Variants in ABCD3 observed in about 807,000 individuals in gnomAD.
ABCD3 encodes the protein ATP-binding cassette sub-family D member 3.
ABCD3 carries 41 observed loss-of-function variants against 105.5 expected under a neutral mutation model. That is an observed-to-expected ratio of 0.39 (90% CI 0.30 to 0.50). The LOEUF (loss-of-function observed/expected upper bound fraction) is 0.50. ABCD3 is among the 20% of genes least tolerant of loss of function. ABCD3 has a pLI of 0.84. For missense variants in ABCD3, 622 were observed against 806.3 expected (o/e 0.77, Z 2.77); for synonymous variants, 258 against 269.0 (o/e 0.96, Z 0.40).
At chr1:94,416,498 C>A (rs973470098), upstream of ABCD3, among the ~76,000 whole-genome samples, 1 of 152,124 alleles carries the variant, frequency 6.6e-6, no homozygotes, top group Non-Finnish European at 1.5e-5. Context: ...CTGTGCCAGG[C>A]ATACTTAATT....
At chr1:94,396,100 C>G in the ABCD3 span, among the ~76,000 whole-genome samples, 10 of 152,122 alleles carry the variant, frequency 6.6e-5, no homozygotes, top group Non-Finnish European at 4.4e-5. Context: ...ATTGTGTGTG[C>G]TCAGCTTTAG....
chr1:94,432,458 G>A (rs1659720616), intron 1 of ABCD3: 1 of 152,188 alleles, frequency 6.6e-6, no homozygotes, highest in Non-Finnish European at 1.5e-5. Flanking sequence ...AGACGAAGCT[G>A]GAGATATTAC....
rs1264166209 is a variant in ABCD3 at position 94,518,583 on chromosome 1, A to G, written c.*1454A>G. 6.6e-6 allele frequency: 1 copy of G among 152,026 alleles called. No homozygotes were observed. Among genetic ancestry groups the G allele is most frequent in the African/African-American group, 2.4e-5 (1 of 41,370 alleles). The allele number at this position is 152,026 out of a possible 1,614,324, so 9.4% of individuals were successfully genotyped here. On this transcript the variant is annotated 3_prime_UTR_variant, in exon 23 of 23. Coordinates refer to ENST00000370214, the MANE Select transcript of ABCD3 (RefSeq NM_002858.4). Reference sequence around the variant, plus strand: ...TATCTAAATACTGAGAAGTTCATTTATAATTCAGCCTTGACTTGAAAACAT... The same window carrying G: ...TATCTAAATACTGAGAAGTTCATTTGTAATTCAGCCTTGACTTGAAAACAT...
chr1:94,495,661 C>T lies in ABCD3; in HGVS notation c.1387-2941C>T, dbSNP rs572451209. ...CAAATCTGTTTTTGGGGTTTCCTGGCATACTGCAACAAATAATGTGGAAGG... is the reference window on the plus strand; with the variant it reads ...CAAATCTGTTTTTGGGGTTTCCTGGTATACTGCAACAAATAATGTGGAAGG... On this transcript the variant is annotated intron_variant, in intron 16 of 22. Transcript: ENST00000370214. Among the ~76,000 whole-genome samples, 4 of 152,230 alleles carry T rather than the reference C, an allele frequency of 2.6e-5. No homozygotes were observed. In the South Asian group the frequency reaches 8.3e-4, roughly 32 times the overall value.
At chr1:94,399,403 A>G in the ABCD3 span, among the ~76,000 whole-genome samples, 1 of 152,184 alleles carries the variant, frequency 6.6e-6, no homozygotes, top group African/African-American at 2.4e-5. Context: ...TTTGTCTACT[A>G]TCTCCATTGG....
At chr1:94,491,458 T>C (rs1376217185) in intron 16 of ABCD3, among the ~76,000 whole-genome samples, 2 of 152,106 alleles carry the variant, frequency 1.3e-5, no homozygotes, top group African/African-American at 2.4e-5. Flanking sequence ...CAAAAAACTT[T>C]TTGCAAATGA....
chr1:94,473,377 A>G (rs113536600), intron 4 of ABCD3, among the ~76,000 whole-genome samples: 37 of 152,272 alleles, frequency 2.4e-4, no homozygotes, highest in African/African-American at 8.9e-4. Context: ...GAATCAGATT[A>G]TTAAAATATT....
At chr1:94,503,906 CTTTTTTT>C (rs71097203) in intron 20 of ABCD3, among the ~76,000 whole-genome samples, 3 of 69,804 alleles carry the variant, frequency 4.3e-5, no homozygotes, top group African/African-American at 5.6e-5. Context: ...ACAAGTGATT[CTTTTTTT>C]TTTTTTTTTT....
the ABCD3 span, among the ~76,000 whole-genome samples, chr1:94,404,088 A>G: frequency 5.3e-5 from 8 of 152,182 alleles, no homozygotes; most frequent in South Asian, 2.1e-4. Context: ...TTATACAATC[A>G]CATCTGAGGT....
At chr1:94,395,903 C>T in the ABCD3 span, among the ~76,000 whole-genome samples, 1 of 151,876 alleles carries the variant, frequency 6.6e-6, no homozygotes, top group Non-Finnish European at 1.5e-5. Context: ...CACACACACA[C>T]ATACACACAC....
intron 1 of ABCD3, among the ~76,000 whole-genome samples, chr1:94,428,639 A>C (rs1659561428): frequency 6.6e-6 from 1 of 152,068 alleles, no homozygotes; most frequent in Non-Finnish European, 1.5e-5. Flanking sequence ...TTTAAAGAGG[A>C]GTTCTCCTGT....
At chr1:94,451,207 T>C (rs1280484974) in intron 1 of ABCD3, among the ~76,000 whole-genome samples, 2 of 152,174 alleles carry the variant, frequency 1.3e-5, no homozygotes, top group Non-Finnish European at 2.9e-5. Context: ...GTTTACATTG[T>C]TTTATAGGAT....
intron 1 of ABCD3, among the ~76,000 whole-genome samples, chr1:94,447,949 A>T (rs190379955): frequency 1.3e-5 from 2 of 152,302 alleles, no homozygotes; most frequent in East Asian, 3.9e-4. Context: ...CTTAGAGGAG[A>T]TCCTAGTCTC....
At chr1:94,430,934 T>G (rs2100886640) in intron 1 of ABCD3, among the ~76,000 whole-genome samples, 1 of 152,324 alleles carries the variant, frequency 6.6e-6, no homozygotes, top group Non-Finnish European at 1.5e-5. Flanking sequence ...TTTTCTAACG[T>G]TTATCATTAG....
Position 94,491,178 on chromosome 1 carries a change from C to G in ABCD3, c.1323-6C>G, listed in dbSNP as rs1198372546. The G allele has an allele frequency of 2.5e-6, 4 of 1,606,626 alleles. No individual in the cohort carries two copies. The African/African-American group carries it at 4.0e-5, about 16-fold the overall frequency. ...GTAATTCTCTTTTTAAAAATTTCCT[C>G]TATAGGTTTGATCATGTTCCTTTAG... On this transcript the variant is annotated splice_polypyrimidine_tract_variant and splice_region_variant and intron_variant, in intron 15 of 22. Transcript: ENST00000370214.
chr1:94,454,705 G>A (rs1019094939), intron 1 of ABCD3, among the ~76,000 whole-genome samples: 2 of 152,194 alleles, frequency 1.3e-5, no homozygotes, highest in Non-Finnish European at 2.9e-5. Context: ...AAGCTGGAGT[G>A]CAGTGGTGCA....
At chr1:94,485,791 T>C (rs1024923780) in intron 10 of ABCD3, among the ~76,000 whole-genome samples, 8 of 152,222 alleles carry the variant, frequency 5.3e-5, no homozygotes, top group Admixed American at 3.3e-4. Context: ...TCTGTACTTA[T>C]GTACACATAT....
intron 6 of ABCD3, 27 bp from the exon 7 acceptor site, chr1:94,475,587 A>G: frequency 1.2e-6 from 2 of 1,602,480 alleles, no homozygotes; most frequent in African/African-American, 1.3e-5. Flanking sequence ...ACTTGTTTTA[A>G]AATCACTTTT....
intron 22 of ABCD3, among the ~76,000 whole-genome samples, chr1:94,515,504 T>C (rs1237993469): frequency 6.6e-6 from 1 of 151,940 alleles, no homozygotes; most frequent in Non-Finnish European, 1.5e-5. Context: ...TATCCAGCAG[T>C]GACAGAGGAG....
Sources: allele counts gnomAD v4.1 joint callset (sites outside exome capture counted in the v4.1 genomes callset), GRCh38; gene constraint gnomAD v4.1.1; transcripts MANE v1.5; gene names NCBI Gene and HGNC (gene_info 2026-07-23, HGNC 2026-07-21).